GATA4: variants seen among roughly 807,000 people sequenced by gnomAD.
GATA4 encodes the protein transcription factor GATA-4.
A neutral mutation model predicts 37.9 loss-of-function variants in GATA4; 7 were observed. That is an observed-to-expected ratio of 0.18 (90% CI 0.11 to 0.35). The LOEUF (loss-of-function observed/expected upper bound fraction) is 0.35. GATA4 is among the 10% of genes least tolerant of loss of function. The probability of loss-of-function intolerance (pLI) is 1.00; values close to 1 mark genes in which losing one functional copy is unlikely to be tolerated. For missense variants in GATA4, 647 were observed against 653.0 expected, an observed-to-expected ratio of 0.99 and a Z score of 0.10; for synonymous variants, 372 against 292.6, an observed-to-expected ratio of 1.27 and a Z score of -2.77.
At chr8:11,689,649 G>C (rs535272120), upstream of GATA4, among the ~76,000 whole-genome samples, 2 of 152,192 alleles carry the variant, frequency 1.3e-5, no homozygotes, top group South Asian at 4.1e-4. Flanking sequence ...GGTTTTGAAT[G>C]TCTATGACCT....
chr8:11,693,824 G>A (rs1799419877), intron 1 of GATA4, among the ~76,000 whole-genome samples: 1 of 152,174 alleles, frequency 6.6e-6, no homozygotes, highest in Non-Finnish European at 1.5e-5. Context: ...AAAGGGCCAA[G>A]TCATAGGTTA....
chr8:11,752,890 A>G (rs550128161), intron 4 of GATA4, among the ~76,000 whole-genome samples: 1 of 152,364 alleles, frequency 6.6e-6, no homozygotes, highest in South Asian at 2.1e-4. Flanking sequence ...AATAGCAAAA[A>G]TGGAGGAAAG....
chr8:11,737,207 T>G (rs1254791765), intron 2 of GATA4, among the ~76,000 whole-genome samples: 1 of 151,800 alleles, frequency 6.6e-6, no homozygotes, highest in Non-Finnish European at 1.5e-5. Flanking sequence ...GCTCGCCTCC[T>G]CTTCTGAAAG....
At chr8:11,715,690 G>A (rs1201444527) in intron 2 of GATA4, among the ~76,000 whole-genome samples, 1 of 151,130 alleles carries the variant, frequency 6.6e-6, no homozygotes, top group South Asian at 2.1e-4. Context: ...GCAGTGAGCC[G>A]AGATCACACC....
chr8:11,738,174 C>G (rs559120521), intron 2 of GATA4, among the ~76,000 whole-genome samples: 1 of 130,982 alleles, frequency 7.6e-6, no homozygotes, highest in Admixed American at 7.8e-5. Flanking sequence ...GAGCAAGACT[C>G]TGTCTCAAAA....
chr8:11,693,590 G>C (rs929466177), intron 1 of GATA4, among the ~76,000 whole-genome samples: 3 of 149,610 alleles, frequency 2.0e-5, no homozygotes, highest in East Asian at 2.0e-4. Flanking sequence ...GAGAGAGAGA[G>C]AGAGACAGAG....
intron 1 of GATA4, among the ~76,000 whole-genome samples, chr8:11,678,049 A>AATC (rs1798839470): frequency 8.5e-6 from 1 of 117,360 alleles, no homozygotes; most frequent in Non-Finnish European, 1.7e-5. Context: ...TAATAATAAT[A>AATC]ATAATAATAA....
intron 2 of GATA4, among the ~76,000 whole-genome samples, chr8:11,723,624 C>A (rs1800777382): frequency 6.6e-6 from 1 of 152,204 alleles, no homozygotes; most frequent in Non-Finnish European, 1.5e-5. Context: ...AATCTCAGAG[C>A]TAGCTCTGCC....
chr8:11,744,077 G>A (rs1007579212), intron 2 of GATA4, among the ~76,000 whole-genome samples: 33 of 152,320 alleles, frequency 2.2e-4, no homozygotes, highest in African/African-American at 7.9e-4. Context: ...TTCCTGGCTT[G>A]CAGTCTCAAA....
intron 2 of GATA4, among the ~76,000 whole-genome samples, chr8:11,724,607 C>G (rs1164940200): frequency 6.6e-6 from 1 of 152,246 alleles, no homozygotes; most frequent in Non-Finnish European, 1.5e-5. Context: ...TGACATTGGG[C>G]TCACCTCCAG....
At chr8:11,756,270 C>T (rs955808175) in intron 5 of GATA4, among the ~76,000 whole-genome samples, 2 of 152,204 alleles carry the variant, frequency 1.3e-5, no homozygotes, top group African/African-American at 4.8e-5. Flanking sequence ...TACATTCAAC[C>T]ATGGCTTATC....
Position 11,758,521 on chromosome 8 carries a change from G to A in GATA4, c.*46G>A. On this transcript the variant is annotated 3_prime_UTR_variant, in exon 7 of 7. Coordinates refer to ENST00000532059, the MANE Select transcript of GATA4 (RefSeq NM_001308093.3). ...AATTCCTGCACGGACCTGGGACTTG[G>A]AGGATAGCAAAGAAGGAGGCCCTGG... is the stretch of plus-strand genomic sequence containing the variant. 1 of 1,603,700 alleles carries A rather than the reference G, an allele frequency of 6.2e-7. No individual in the cohort carries two copies. Among genetic ancestry groups the A allele is most frequent in the South Asian group, 1.1e-5 (1 of 90,824 alleles).
At chr8:11,688,174 A>T (rs1488680425), upstream of GATA4, among the ~76,000 whole-genome samples, 1 of 152,150 alleles carries the variant, frequency 6.6e-6, no homozygotes, top group African/African-American at 2.4e-5. Flanking sequence ...GCAGTTCAAG[A>T]GCCCCCCACA....
At chr8:11,684,532 C>T (rs910599366) in intron 1 of GATA4, among the ~76,000 whole-genome samples, 8 of 152,182 alleles carry the variant, frequency 5.3e-5, no homozygotes, top group South Asian at 2.1e-4. Flanking sequence ...AAATGTACAT[C>T]GTCCCTAGGT....
At chr8:11,678,728 T>A (rs150883532) in intron 1 of GATA4, among the ~76,000 whole-genome samples, 205 of 152,334 alleles carry the variant, frequency 1.3e-3, no homozygotes, top group African/African-American at 4.9e-3. Flanking sequence ...GATAAATCGG[T>A]CTACAGTAAA....
intron 1 of GATA4, among the ~76,000 whole-genome samples, chr8:11,704,509 G>C (rs946610268): frequency 1.3e-5 from 2 of 152,206 alleles, no homozygotes; most frequent in Admixed American, 1.3e-4. Flanking sequence ...AGACTTGGGG[G>C]CAAAACAGAG....
chr8:11,692,786 G>T lies in GATA4; in HGVS notation c.-729+126G>T, dbSNP rs923420299. 264 of 982,614 alleles carry T rather than the reference G, an allele frequency of 2.7e-4. 1 individual carries two copies. The African/African-American group carries it at 4.4e-3, about 16-fold the overall frequency. The allele number at this position is 982,614 out of a possible 1,614,324, so 60.9% of individuals were successfully genotyped here. ...GGGGGCGGGAAGCGAGGCTGCCGAGGGGAGGAAGCGGGGCCGGCGCAGCGG... is the reference window on the plus strand; with the variant it reads ...GGGGGCGGGAAGCGAGGCTGCCGAGTGGAGGAAGCGGGGCCGGCGCAGCGG... On this transcript the variant is annotated intron_variant, in intron 1 of 2. Transcript: ENST00000526974.
intron 1 of GATA4, among the ~76,000 whole-genome samples, chr8:11,687,323 C>G (rs1205261454): frequency 6.6e-6 from 1 of 152,112 alleles, no homozygotes; most frequent in Non-Finnish European, 1.5e-5. Flanking sequence ...ATAGACCACC[C>G]TCCCCCCGCA....
rs758475308 is a variant in GATA4, at chr8:11,750,179, C to T, written c.855C>T (p.Arg285=). Residue 285 remains arginine, a synonymous_variant, in exon 4 of 7, where the codon CGC becomes CGT. Transcript: ENST00000532059. The part of the protein sequence containing the change: ...CQTTTTTLWR[R]NAEGEPVCNA... ...CCACCACCACCACGCTGTGGCGCCGCAATGCGGAGGGCGAGCCTGTGTGCA... is the reference window on the plus strand; with the variant it reads ...CCACCACCACCACGCTGTGGCGCCGTAATGCGGAGGGCGAGCCTGTGTGCA... 39 of 1,613,714 alleles carry T rather than the reference C, an allele frequency of 2.4e-5. No individual in the cohort carries two copies. Among genetic ancestry groups the T allele is most frequent in the Non-Finnish European group, 3.1e-5 (37 of 1,180,056 alleles).
Sources: gnomAD v4.1 joint callset for allele counts (sites outside exome capture counted in the v4.1 genomes callset) on GRCh38, gnomAD v4.1.1 for gene constraint, MANE v1.5 for transcripts, NCBI Gene and HGNC (gene_info 2026-07-23, HGNC 2026-07-21) for gene names.